The following BAALC variants were observed in gnomAD, a reference collection of about 807,000 sequenced individuals.
The protein encoded by BAALC is brain and acute leukemia cytoplasmic protein.
Under a neutral mutation model 15.5 loss-of-function variants are expected in BAALC, and 9 were observed. The observed-to-expected ratio is 0.58, with a 90% CI of 0.35 to 1.02. BAALC has a LOEUF of 1.02. Among genes scored for constraint, BAALC ranks in the 50% least tolerant of loss-of-function variants. The pLI is 0.02. For missense variants in BAALC, 201 were observed against 192.4 expected, an observed-to-expected ratio of 1.04 and a Z score of -0.27; for synonymous variants, 80 against 74.6, an observed-to-expected ratio of 1.07 and a Z score of -0.37.
At position 103,198,059 on chromosome 8, in the gene BAALC, C is replaced by T. The variant is rs771423249; in HGVS notation, c.161-14860C>T. ...CCATTAAATATCCCACAGTTTCTTACGAACAACTATAATTTTTTTCCATCT... is the reference window on the plus strand; with the variant it reads ...CCATTAAATATCCCACAGTTTCTTATGAACAACTATAATTTTTTTCCATCT... On this transcript the variant is annotated intron_variant, in intron 1 of 2. Transcript: ENST00000309982. 3.5e-5 allele frequency: 24 copies of T among 688,080 alleles called. No homozygotes were observed. The Middle Eastern group carries it at 6.9e-4, about 20-fold the overall frequency. The allele number at this position is 688,080 out of a possible 1,614,324, so 42.6% of individuals were successfully genotyped here. A position where few individuals can be genotyped will look rare whatever the true frequency, so the allele number is the denominator to read the frequency against.
chr8:103,185,211 A>G (rs144625748), intron 1 of BAALC, among the ~76,000 whole-genome samples: 465 of 151,970 alleles, frequency 3.1e-3, no homozygotes, highest in African/African-American at 0.011. Flanking sequence ...ACTTGACTCA[A>G]TCTAGATGGT....
At chr8:103,224,830 T>G (rs563774179) in intron 2 of BAALC, among the ~76,000 whole-genome samples, 40 of 152,116 alleles carry the variant, frequency 2.6e-4, no homozygotes, top group Non-Finnish European at 4.3e-4. Flanking sequence ...TATGCCAGAG[T>G]CAGATTGCAA....
chr8:103,227,934 A>ATTT (rs1461710498), intron 2 of BAALC, 55 bp from the exon 3 acceptor site: 1 of 1,281,030 alleles, frequency 7.8e-7, no homozygotes, highest in African/African-American at 1.5e-5. Flanking sequence ...TGCCTCGGTC[A>ATTT]TTTTCTTTGG....
At chr8:103,184,443 G>A (rs1470725906) in intron 1 of BAALC, among the ~76,000 whole-genome samples, 3 of 152,170 alleles carry the variant, frequency 2.0e-5, no homozygotes, top group African/African-American at 7.2e-5. Flanking sequence ...CCTTCTGTGT[G>A]GCAGACAGTG....
At chr8:103,215,856 C>T (rs568086277) in intron 2 of BAALC, among the ~76,000 whole-genome samples, 182 of 152,308 alleles carry the variant, frequency 1.2e-3, no homozygotes, top group Admixed American at 3.8e-3. Context: ...CAAAGAAATG[C>T]AACTCATAAC....
chr8:103,204,789 A>T (rs1812292917), intron 1 of BAALC, among the ~76,000 whole-genome samples: 1 of 152,242 alleles, frequency 6.6e-6, no homozygotes, highest in African/African-American at 2.4e-5. Flanking sequence ...AAGGTCACAT[A>T]TTATAGTATT....
intron 1 of BAALC, chr8:103,183,494 C>A (rs1260802701): frequency 4.3e-6 from 3 of 702,442 alleles, no homozygotes; most frequent in Non-Finnish European, 7.8e-6. Context: ...ATGGGGGGAC[C>A]AGATCTGGGG....
At chr8:103,198,463 C>T (rs902964643) in intron 1 of BAALC, among the ~76,000 whole-genome samples, 2 of 152,090 alleles carry the variant, frequency 1.3e-5, no homozygotes, top group African/African-American at 2.4e-5. Flanking sequence ...TTGATCATCC[C>T]GTGATCCTGG....
intron 1 of BAALC, among the ~76,000 whole-genome samples, chr8:103,166,716 T>C (rs1482152425): frequency 2.6e-5 from 4 of 152,210 alleles, no homozygotes; most frequent in Non-Finnish European, 1.5e-5. Context: ...AATGAACACA[T>C]TCACTATTAA....
chr8:103,203,807 A>C (rs1472748452), intron 1 of BAALC, among the ~76,000 whole-genome samples: 4 of 151,610 alleles, frequency 2.6e-5, no homozygotes, highest in African/African-American at 7.3e-5. Flanking sequence ...TATATACATA[A>C]AATACTTTAT....
intron 1 of BAALC, among the ~76,000 whole-genome samples, chr8:103,171,628 C>T (rs61607037): frequency 0.19 from 28,776 of 152,056 alleles, 3,271 homozygotes; most frequent in East Asian, 0.41. Flanking sequence ...TATAGCTTTT[C>T]CCAAAGAGCT....
At chr8:103,227,066 C>T (rs927921071) in intron 2 of BAALC, among the ~76,000 whole-genome samples, 2 of 152,152 alleles carry the variant, frequency 1.3e-5, no homozygotes, top group African/African-American at 2.4e-5. Flanking sequence ...AATAAACATG[C>T]CCTATTCCAG....
At chr8:103,174,973 C>T (rs780501416) in intron 1 of BAALC, among the ~76,000 whole-genome samples, 5 of 152,184 alleles carry the variant, frequency 3.3e-5, no homozygotes, top group Admixed American at 2.6e-4. Context: ...CTAAAGGGGG[C>T]TTTTTCCTTC....
At position 103,213,091 on chromosome 8, in the gene BAALC, G is replaced by A. The variant is rs200955388; in HGVS notation, c.327+6G>A. 47 of 1,613,304 alleles carry A rather than the reference G, an allele frequency of 2.9e-5. No individual in the cohort carries two copies. The highest frequency in any genetic ancestry group is 3.4e-5 in the Non-Finnish European group (40 of 1,179,666). ...ATGGCCTTCAGACCACAGAGGTAGG[G>A]TTGCAGCCACAGAATCAACTGGGGA... On this transcript the variant is annotated splice_donor_region_variant and intron_variant, in intron 2 of 2. Transcript: ENST00000309982.
At chr8:103,224,904 A>C (rs1207731507) in intron 2 of BAALC, among the ~76,000 whole-genome samples, 1 of 152,222 alleles carries the variant, frequency 6.6e-6, no homozygotes, top group Non-Finnish European at 1.5e-5. Flanking sequence ...TTTGTAGGGC[A>C]TGACTCCCCA....
At chr8:103,159,559 T>C (rs1369240839) in intron 1 of BAALC, among the ~76,000 whole-genome samples, 3 of 152,164 alleles carry the variant, frequency 2.0e-5, no homozygotes, top group Non-Finnish European at 4.4e-5. Context: ...CATGATGGAT[T>C]CATGGCTCAT....
chr8:103,170,581 C>T (rs1811460802), intron 1 of BAALC, among the ~76,000 whole-genome samples: 2 of 152,268 alleles, frequency 1.3e-5, no homozygotes, highest in African/African-American at 2.4e-5. Flanking sequence ...ACACTACGGA[C>T]TGTCCACAGC....
At chr8:103,212,099 G>A (rs1020667131) in intron 1 of BAALC, among the ~76,000 whole-genome samples, 1 of 152,016 alleles carries the variant, frequency 6.6e-6, no homozygotes, top group Non-Finnish European at 1.5e-5. Flanking sequence ...GGCATTTGTT[G>A]TAAAAGGCAC....
intron 1 of BAALC, among the ~76,000 whole-genome samples, chr8:103,196,552 A>C (rs1436973547): frequency 6.6e-6 from 1 of 152,176 alleles, no homozygotes; most frequent in Non-Finnish European, 1.5e-5. Flanking sequence ...AAGTGTTAGG[A>C]TTACAGGTGT....
Sources: allele counts gnomAD v4.1 joint callset (sites outside exome capture counted in the v4.1 genomes callset), GRCh38; gene constraint gnomAD v4.1.1; transcripts MANE v1.5; gene names NCBI Gene and HGNC (gene_info 2026-07-23, HGNC 2026-07-21).